Variants in PLEKHM3 observed in about 807,000 individuals in gnomAD.
The protein encoded by PLEKHM3 is pleckstrin homology domain containing M3.
In PLEKHM3, 45 loss-of-function variants were observed where a neutral mutation model predicts 81.8. The ratio of observed to expected loss-of-function variants is 0.55; its 90% CI spans 0.43 to 0.71. The LOEUF is 0.71. Among genes scored for constraint, PLEKHM3 ranks in the 30% least tolerant of loss-of-function variants. The probability of loss-of-function intolerance (pLI) is 0.00; values close to 1 mark genes in which losing one functional copy is unlikely to be tolerated. For synonymous variants in PLEKHM3, 352 were observed against 356.4 expected, an observed-to-expected ratio of 0.99 and a Z score of 0.14; for missense variants, 788 against 924.3, an observed-to-expected ratio of 0.85 and a Z score of 1.91.
At chr2:207,887,716 A>G (rs1213043295) in intron 6 of PLEKHM3, among the ~76,000 whole-genome samples, 2 of 152,202 alleles carry the variant, frequency 1.3e-5, no homozygotes, top group African/African-American at 2.4e-5. Context: ...ATATATTAAC[A>G]TATCTAAGCT....
Position 208,001,192 on chromosome 2 carries a change from A to G in PLEKHM3, c.448T>C (p.Ser150Pro). 2.5e-6 allele frequency: 4 copies of G among 1,614,122 alleles called. No individual in the cohort carries two copies. Among genetic ancestry groups the G allele is most frequent in the Non-Finnish European group, 3.4e-6 (4 of 1,180,012 alleles). ...TCCACTTGGGTAATATCTGATCGTG[A>G]TCGAGCATGCCCTGGCTTGAAAGTT... Reference protein sequence around the residue: ...TSTFKPGHARSRSDITQVDWR... With the variant: ...TSTFKPGHARPRSDITQVDWR... Residue 150 changes from serine to proline, a missense_variant, in exon 2 of 8, where the codon TCA becomes CCA. By Grantham distance (74) the Ser-to-Pro change is moderately conservative. Coordinates refer to ENST00000427836, the MANE Select transcript of PLEKHM3 (RefSeq NM_001080475.3).
At position 207,861,203 on chromosome 2, in the gene PLEKHM3, G is replaced by C; in HGVS notation, c.2010C>G (p.His670Gln). 1 of 1,614,092 alleles carries C rather than the reference G, an allele frequency of 6.2e-7. No homozygotes were observed. Among genetic ancestry groups the C allele is most frequent in the Non-Finnish European group, 8.5e-7 (1 of 1,179,984 alleles). Reference protein sequence around the residue: ...LGKVIKFATSHVYSCSLCSQK... With the variant: ...LGKVIKFATSQVYSCSLCSQK... ...GGCTACAAAGACTGCAGCTGTACAC[G>C]TGTGAGGTGGCAAATTTAATGACCT... The change falls in exon 7 of 8, where the codon CAC (histidine) becomes CAG (glutamine). Residue 670 changes from histidine to glutamine, a missense_variant. By Grantham distance (24) the His-to-Gln change is conservative. Coordinates refer to ENST00000427836, the MANE Select transcript of PLEKHM3 (RefSeq NM_001080475.3).
intron 2 of PLEKHM3, among the ~76,000 whole-genome samples, chr2:207,981,964 C>T (rs1691540756): frequency 6.6e-6 from 1 of 152,146 alleles, no homozygotes; most frequent in Non-Finnish European, 1.5e-5. Context: ...TCCACTTATA[C>T]CTGGATTTTC....
chr2:207,956,746 T>TTTTTTTTTTA (rs1690527953), intron 3 of PLEKHM3, among the ~76,000 whole-genome samples: 1 of 137,728 alleles, frequency 7.3e-6, no homozygotes, highest in African/African-American at 3.2e-5. Context: ...TTTTTTTTTT[T>TTTTTTTTTTA]GCAGAGACCC....
chr2:207,973,098 G>A (rs4507086), intron 3 of PLEKHM3, among the ~76,000 whole-genome samples: 102,315 of 152,134 alleles, frequency 0.67, 34,998 homozygotes, highest in Non-Finnish European at 0.73. Context: ...AAAATAATAC[G>A]TAAAGCCAAA....
intron 5 of PLEKHM3, among the ~76,000 whole-genome samples, chr2:207,925,317 C>T (rs908288209): frequency 6.6e-6 from 1 of 152,160 alleles, no homozygotes; most frequent in South Asian, 2.1e-4. Flanking sequence ...ATCCTGTGTG[C>T]TCTGCACAGA....
chr2:208,001,720 G>A lies in PLEKHM3; in HGVS notation c.-81C>T, dbSNP rs551345438. On this transcript the variant is annotated 5_prime_UTR_variant, in exon 2 of 8. Coordinates refer to ENST00000427836, the MANE Select transcript of PLEKHM3 (RefSeq NM_001080475.3). ...GAACATTCACCCAACCAAGAGGGGT[G>A]CTTCAGCAATAGAGCTATGGAAACA... 1.2e-5 allele frequency: 18 copies of A among 1,527,410 alleles called. No homozygotes were observed. The South Asian group carries it at 1.7e-4, about 15-fold the overall frequency. 94.6% of individuals were successfully genotyped at this position (1,527,410 alleles called of 1,614,324 possible).
chr2:207,863,793 C>T (rs1383532148), intron 6 of PLEKHM3, among the ~76,000 whole-genome samples: 1 of 152,104 alleles, frequency 6.6e-6, no homozygotes, highest in Admixed American at 6.5e-5. Context: ...ACTGCTTTGG[C>T]ATATTGGGCA....
intron 7 of PLEKHM3, among the ~76,000 whole-genome samples, chr2:207,829,238 G>A (rs546404758): frequency 1.3e-5 from 2 of 152,218 alleles, no homozygotes; most frequent in South Asian, 4.2e-4. Context: ...AAGCCTGCAC[G>A]GGAGTCTAAA....
At chr2:207,829,488 G>A (rs1265536296) in intron 7 of PLEKHM3, among the ~76,000 whole-genome samples, 1 of 152,126 alleles carries the variant, frequency 6.6e-6, no homozygotes, top group Admixed American at 6.5e-5. Flanking sequence ...TGTTGGCCAG[G>A]CAGGTCTGGA....
intron 7 of PLEKHM3, among the ~76,000 whole-genome samples, chr2:207,842,394 T>A (rs1484788804): frequency 6.6e-6 from 1 of 152,246 alleles, no homozygotes; most frequent in South Asian, 2.1e-4. Context: ...AAAGGCATTG[T>A]ACAAGTTTGG....
intron 5 of PLEKHM3, among the ~76,000 whole-genome samples, chr2:207,923,253 G>A (rs1689246652): frequency 1.3e-5 from 2 of 152,120 alleles, no homozygotes; most frequent in Admixed American, 6.5e-5. Context: ...AGGGACTGAG[G>A]AGGGGTGCCA....
chr2:207,839,983 T>C (rs2092341097), intron 7 of PLEKHM3, among the ~76,000 whole-genome samples: 1 of 152,160 alleles, frequency 6.6e-6, no homozygotes, highest in Non-Finnish European at 1.5e-5. Flanking sequence ...CTAGACTTAG[T>C]GAATCATAAA....
chr2:207,927,398 C>T lies in PLEKHM3; in HGVS notation c.1886+3528G>A, dbSNP rs1689431416. Among the ~76,000 whole-genome samples, 5 of 151,218 alleles carry T rather than the reference C, an allele frequency of 3.3e-5. No homozygotes were observed. The South Asian group carries it at 1.0e-3, about 32-fold the overall frequency. ...AGGTGTGGTGGCATAGGCCTGTAAT[C>T]CCAGCCACTCAGGAGGCTGAGGCAG... On this transcript the variant is annotated intron_variant, in intron 5 of 7. Transcript: ENST00000427836.
chr2:207,917,824 A>C (rs1271555727), intron 5 of PLEKHM3, among the ~76,000 whole-genome samples: 1 of 152,154 alleles, frequency 6.6e-6, no homozygotes, highest in Non-Finnish European at 1.5e-5. Flanking sequence ...AGCAACAGTG[A>C]TACCTTGTCT....
intron 2 of PLEKHM3, among the ~76,000 whole-genome samples, chr2:207,984,427 G>A (rs1413800635): frequency 6.7e-6 from 1 of 149,990 alleles, no homozygotes; most frequent in Non-Finnish European, 1.5e-5. Context: ...GTCTTGCTCT[G>A]TTGCCCAGGC....
chr2:207,880,339 G>A (rs981524930), intron 6 of PLEKHM3, among the ~76,000 whole-genome samples: 20 of 151,200 alleles, frequency 1.3e-4, no homozygotes, highest in African/African-American at 4.6e-4. Flanking sequence ...CCCAGGGGGC[G>A]AAGGTTGCAG....
intron 5 of PLEKHM3, 148 bp from the exon 6 acceptor site, chr2:207,908,725 A>G (rs1688708703): frequency 6.3e-6 from 4 of 634,280 alleles, no homozygotes; most frequent in Non-Finnish European, 1.1e-5. Flanking sequence ...AGGAACCTGT[A>G]ATATCTTTTT....
chr2:207,965,880 C>T (rs978243546), intron 3 of PLEKHM3, among the ~76,000 whole-genome samples: 4 of 152,160 alleles, frequency 2.6e-5, no homozygotes, highest in Non-Finnish European at 5.9e-5. Flanking sequence ...AAAGGAAAAA[C>T]GTATTACTTA....
Sources: allele counts gnomAD v4.1 joint callset (sites outside exome capture counted in the v4.1 genomes callset), GRCh38; gene constraint gnomAD v4.1.1; transcripts MANE v1.5; gene names NCBI Gene and HGNC (gene_info 2026-07-23, HGNC 2026-07-21).